CDC42SE2: variants seen among roughly 807,000 people sequenced by gnomAD.
The protein encoded by CDC42SE2 is CDC42 small effector 2, also known as CDC42 small effector protein 2.
In CDC42SE2, 3 loss-of-function variants were observed where a neutral mutation model predicts 11.5. The ratio of observed to expected loss-of-function variants is 0.26; its 90% CI spans 0.12 to 0.67. The LOEUF is 0.67. Ranked by LOEUF, CDC42SE2 falls within the 30% of genes least tolerant of loss-of-function variation. The pLI is 0.80. For synonymous variants in CDC42SE2, 33 were observed against 34.8 expected (o/e 0.95, Z 0.18); for missense variants, 82 against 106.8 (o/e 0.77, Z 1.02).
chr5:131,310,647 T>A (rs1757885299), intron 1 of CDC42SE2, among the ~76,000 whole-genome samples: 1 of 152,054 alleles, frequency 6.6e-6, no homozygotes, highest in African/African-American at 2.4e-5. Flanking sequence ...TGGGTGCATA[T>A]ATATTTAGGA....
intron 1 of CDC42SE2, among the ~76,000 whole-genome samples, chr5:131,312,222 C>T (rs562517768): frequency 2.6e-5 from 4 of 151,182 alleles, no homozygotes; most frequent in South Asian, 2.1e-4. Flanking sequence ...GTCAGTGTGC[C>T]CCTGCTGGGG....
intron 1 of CDC42SE2, among the ~76,000 whole-genome samples, chr5:131,283,954 G>A (rs1255807414): frequency 6.6e-6 from 1 of 152,174 alleles, no homozygotes; most frequent in Non-Finnish European, 1.5e-5. Flanking sequence ...GCATGGATTT[G>A]TTTTAATTTA....
At chr5:131,258,640 A>C (rs765575442) in intron 2 of CDC42SE2, among the ~76,000 whole-genome samples, 2 of 152,140 alleles carry the variant, frequency 1.3e-5, no homozygotes, top group Admixed American at 6.6e-5. Context: ...TCCCCAGTGA[A>C]GTGTATCACC....
intron 1 of CDC42SE2, among the ~76,000 whole-genome samples, chr5:131,308,547 T>G (rs2149721847): frequency 1.3e-5 from 2 of 152,034 alleles, no homozygotes; most frequent in East Asian, 3.9e-4. Context: ...GTATGGCCAT[T>G]TTCACGATAT....
chr5:131,224,337 C>A, the CDC42SE2 span, among the ~76,000 whole-genome samples: 1 of 152,170 alleles, frequency 6.6e-6, no homozygotes, highest in Non-Finnish European at 1.5e-5. Context: ...ATAGAGAATT[C>A]CAGATCTTAC....
intron 2 of CDC42SE2, among the ~76,000 whole-genome samples, chr5:131,343,694 CAA>C (rs1758766206): frequency 7.5e-6 from 1 of 133,810 alleles, no homozygotes; most frequent in South Asian, 2.3e-4. Flanking sequence ...GCCTGGGCAA[CAA>C]GAGCTAAACT....
chr5:131,266,482 C>T (rs1471878884), intron 1 of CDC42SE2, among the ~76,000 whole-genome samples: 2 of 136,310 alleles, frequency 1.5e-5, no homozygotes, highest in Non-Finnish European at 3.1e-5. Flanking sequence ...TTTTTCGAGA[C>T]GAAGTCTCGC....
At chr5:131,353,698 G>A (rs1749439869) in intron 2 of CDC42SE2, among the ~76,000 whole-genome samples, 1 of 152,116 alleles carries the variant, frequency 6.6e-6, no homozygotes, top group Admixed American at 6.5e-5. Context: ...TTGAGGTCAG[G>A]CGTTTGAGAC....
At position 131,391,496 on chromosome 5, in the gene CDC42SE2, A is replaced by G; in HGVS notation, c.*405A>G. The G allele has an allele frequency of 6.5e-6, 1 of 152,714 alleles. No homozygotes were observed. Among genetic ancestry groups the G allele is most frequent in the Non-Finnish European group, 1.5e-5 (1 of 68,348 alleles). The allele number at this position is 152,714 out of a possible 1,614,324, so 9.5% of individuals were successfully genotyped here. ...AGACTAGCCTGGCCAACATGGTGAA[A>G]CCCCATCTCTACTAAAAATACAAAA... On this transcript the variant is annotated 3_prime_UTR_variant, in exon 5 of 5. Coordinates refer to ENST00000505065, the MANE Select transcript of CDC42SE2 (RefSeq NM_001375635.1).
chr5:131,227,428 A>G, the CDC42SE2 span, among the ~76,000 whole-genome samples: 139 of 152,168 alleles, frequency 9.1e-4, no homozygotes, highest in Non-Finnish European at 9.4e-4. Context: ...TGAGGTCAGG[A>G]GTTCTAGACC....
intron 1 of CDC42SE2, among the ~76,000 whole-genome samples, chr5:131,292,574 A>C (rs1324316038): frequency 7.7e-6 from 1 of 130,020 alleles, no homozygotes; most frequent in African/African-American, 2.6e-5. Flanking sequence ...AAAAAAAAAA[A>C]ACAAAAAACA....
chr5:131,244,335 G>C (rs1470292498), upstream of CDC42SE2, among the ~76,000 whole-genome samples: 2 of 152,154 alleles, frequency 1.3e-5, no homozygotes, highest in African/African-American at 4.8e-5. Context: ...TGAACAATAT[G>C]GTTAGCAAAC....
intron 1 of CDC42SE2, among the ~76,000 whole-genome samples, chr5:131,303,566 C>G (rs1204567773): frequency 2.0e-5 from 3 of 152,092 alleles, no homozygotes; most frequent in African/African-American, 7.2e-5. Flanking sequence ...ATAAGAAGAT[C>G]TGAGGTTTGG....
At chr5:131,328,887 TCAGG>T (rs1416692201) in intron 2 of CDC42SE2, among the ~76,000 whole-genome samples, 1 of 152,240 alleles carries the variant, frequency 6.6e-6, no homozygotes, top group Non-Finnish European at 1.5e-5. Context: ...TGCTACTGCA[TCAGG>T]CAAATTCTGA....
chr5:131,212,205 T>A, the CDC42SE2 span, among the ~76,000 whole-genome samples: 1 of 151,992 alleles, frequency 6.6e-6, no homozygotes, highest in Non-Finnish European at 1.5e-5. Flanking sequence ...CCTCTTGGGT[T>A]CAAGCGATTC....
chr5:131,319,944 G>T (rs1419896704), intron 2 of CDC42SE2, among the ~76,000 whole-genome samples: 1 of 151,140 alleles, frequency 6.6e-6, no homozygotes, highest in Non-Finnish European at 1.5e-5. Flanking sequence ...CCAGCTACTC[G>T]GGAGGCCAAG....
At chr5:131,338,475 C>T (rs985768999) in intron 2 of CDC42SE2, among the ~76,000 whole-genome samples, 3 of 152,190 alleles carry the variant, frequency 2.0e-5, no homozygotes, top group South Asian at 4.1e-4. Flanking sequence ...TGCCTGTCTA[C>T]TACCATGATA....
At chr5:131,291,767 G>A (rs7379696) in intron 1 of CDC42SE2, among the ~76,000 whole-genome samples, 86,703 of 151,876 alleles carry the variant, frequency 0.57, 28,697 homozygotes, top group Non-Finnish European at 0.76. Context: ...CAAAAATACT[G>A]ATATAACAAA....
At chr5:131,344,339 A>C (rs537549535) in intron 2 of CDC42SE2, among the ~76,000 whole-genome samples, 110 of 152,326 alleles carry the variant, frequency 7.2e-4, no homozygotes, top group African/African-American at 2.5e-3. Flanking sequence ...CAAAAGGCAC[A>C]CCAGGAGATT....
Sources: gnomAD v4.1 joint callset for allele counts (sites outside exome capture counted in the v4.1 genomes callset) on GRCh38, gnomAD v4.1.1 for gene constraint, MANE v1.5 for transcripts, NCBI Gene and HGNC (gene_info 2026-07-23, HGNC 2026-07-21) for gene names.